Variants in SCFD2 observed in about 807,000 individuals in gnomAD.
The protein encoded by SCFD2 is sec1 family domain containing 2.
A neutral mutation model predicts 58.9 loss-of-function variants in SCFD2; 54 were observed. The ratio of observed to expected loss-of-function variants is 0.92; its 90% confidence interval spans 0.74 to 1.15. The LOEUF (loss-of-function observed/expected upper bound fraction) is 1.15. Among genes scored for constraint, SCFD2 ranks in the 50% most tolerant of loss-of-function variants. The pLI, the probability that SCFD2 is intolerant of heterozygous loss-of-function variation, is 0.00. For synonymous variants in SCFD2, 321 were observed against 335.9 expected (o/e 0.96, Z 0.49); for missense variants, 805 against 836.6 (o/e 0.96, Z 0.47).
chr4:53,071,823 G>A (rs1242415974), intron 5 of SCFD2, among the ~76,000 whole-genome samples: 1 of 151,940 alleles, frequency 6.6e-6, no homozygotes, highest in Non-Finnish European at 1.5e-5. Flanking sequence ...TTCTAAAAGG[G>A]GGATTTTATT....
At chr4:53,077,550 G>A (rs946592170) in intron 5 of SCFD2, among the ~76,000 whole-genome samples, 1 of 152,038 alleles carries the variant, frequency 6.6e-6, no homozygotes, top group African/African-American at 2.4e-5. Context: ...CAATTCTCCT[G>A]TCTCAGCCAC....
intron 5 of SCFD2, among the ~76,000 whole-genome samples, chr4:52,935,208 A>T (rs533490023): frequency 1.3e-5 from 2 of 152,240 alleles, no homozygotes; most frequent in Non-Finnish European, 2.9e-5. Flanking sequence ...GAGCTCAATA[A>T]ATAGTTGCTG....
At chr4:52,906,845 A>C (rs145174829) in intron 7 of SCFD2, among the ~76,000 whole-genome samples, 217 of 152,312 alleles carry the variant, frequency 1.4e-3, no homozygotes, top group African/African-American at 5.0e-3. Flanking sequence ...ATCTTATTGA[A>C]ATCTTTTTAG....
At chr4:53,217,428 G>T (rs1172836466) in intron 4 of SCFD2, among the ~76,000 whole-genome samples, 2 of 152,040 alleles carry the variant, frequency 1.3e-5, no homozygotes, top group African/African-American at 2.4e-5. Context: ...ATCTTTGTTG[G>T]CTTAAAGTCT....
Position 53,317,915 on chromosome 4 carries a change from T to C in SCFD2, c.1008-4152A>G, listed in dbSNP as rs549688556. Among the ~76,000 whole-genome samples the C allele has an allele frequency of 1.2e-4, 18 of 152,332 alleles. No homozygotes were observed. The East Asian group carries it at 3.5e-3, about 29-fold the overall frequency. On this transcript the variant is annotated intron_variant, in intron 2 of 8. Coordinates refer to ENST00000401642, the MANE Select transcript of SCFD2 (RefSeq NM_152540.4). Reference sequence around the variant, plus strand: ...TCCTGACACACAAGTGCTACAGCAGTAGTAGTAGCAGCAGCAGTAGTAATA... The same window carrying C: ...TCCTGACACACAAGTGCTACAGCAGCAGTAGTAGCAGCAGCAGTAGTAATA...
At chr4:53,309,705 T>A (rs1732630283) in intron 3 of SCFD2, among the ~76,000 whole-genome samples, 1 of 152,162 alleles carries the variant, frequency 6.6e-6, no homozygotes, top group African/African-American at 2.4e-5. Context: ...GTGGAAAGAA[T>A]GAATTAGTAC....
intron 5 of SCFD2, among the ~76,000 whole-genome samples, chr4:53,092,564 G>A (rs1206948106): frequency 6.6e-6 from 1 of 151,916 alleles, no homozygotes; most frequent in East Asian, 1.9e-4. Context: ...AGAGATAAAT[G>A]GTTAAACAAA....
intron 3 of SCFD2, among the ~76,000 whole-genome samples, chr4:53,284,828 A>AT (rs1260700639): frequency 3.9e-5 from 6 of 152,338 alleles, no homozygotes; most frequent in East Asian, 1.9e-4. Context: ...AGGACTATAT[A>AT]TACAGCCAAC....
At chr4:52,993,004 T>C (rs1231886796) in intron 5 of SCFD2, among the ~76,000 whole-genome samples, 1 of 151,638 alleles carries the variant, frequency 6.6e-6, no homozygotes, top group Non-Finnish European at 1.5e-5. Context: ...GCTGTGTCTG[T>C]GCAGAGGGAA....
At chr4:53,305,448 C>T (rs907609565) in intron 3 of SCFD2, among the ~76,000 whole-genome samples, 1 of 152,128 alleles carries the variant, frequency 6.6e-6, no homozygotes, top group African/African-American at 2.4e-5. Context: ...ATTTCGTGTA[C>T]AGGATCTATT....
chr4:52,922,289 A>G (rs1021603541), intron 5 of SCFD2, among the ~76,000 whole-genome samples: 1 of 152,140 alleles, frequency 6.6e-6, no homozygotes, highest in African/African-American at 2.4e-5. Flanking sequence ...CACCACCACA[A>G]TTTTATAACA....
chr4:52,967,583 T>C (rs1720990308), intron 5 of SCFD2, among the ~76,000 whole-genome samples: 2 of 152,220 alleles, frequency 1.3e-5, no homozygotes, highest in South Asian at 4.1e-4. Context: ...TCCTGTAATG[T>C]CTCTCAGTTC....
At chr4:53,288,558 G>T (rs1731741418) in intron 3 of SCFD2, among the ~76,000 whole-genome samples, 1 of 152,110 alleles carries the variant, frequency 6.6e-6, no homozygotes, top group South Asian at 2.1e-4. Context: ...AACTTTGCAG[G>T]CAAGGAGATA....
At chr4:53,045,891 T>G (rs1285223723) in intron 5 of SCFD2, among the ~76,000 whole-genome samples, 1 of 152,014 alleles carries the variant, frequency 6.6e-6, no homozygotes, top group Non-Finnish European at 1.5e-5. Context: ...ATAATCTAAC[T>G]TCTTAAAATA....
At chr4:52,961,921 C>T (rs761611228) in intron 5 of SCFD2, among the ~76,000 whole-genome samples, 11 of 151,942 alleles carry the variant, frequency 7.2e-5, no homozygotes, top group East Asian at 3.9e-4. Context: ...ACAGTGGTGA[C>T]GATAGGAATG....
intron 4 of SCFD2, among the ~76,000 whole-genome samples, chr4:53,253,294 T>C (rs996593442): frequency 2.2e-4 from 34 of 152,176 alleles, no homozygotes; most frequent in Admixed American, 5.2e-4. Flanking sequence ...GTTGGTGGGA[T>C]TGTAAACTAG....
At chr4:53,140,146 A>C (rs564417849) in intron 5 of SCFD2, among the ~76,000 whole-genome samples, 2 of 151,482 alleles carry the variant, frequency 1.3e-5, no homozygotes, top group South Asian at 4.2e-4. Flanking sequence ...TCCCTCCACT[A>C]TTGTCCTATG....
chr4:53,006,456 T>C (rs780281482), intron 5 of SCFD2, among the ~76,000 whole-genome samples: 5 of 152,192 alleles, frequency 3.3e-5, no homozygotes, highest in Non-Finnish European at 7.4e-5. Flanking sequence ...TCTTCAAGAA[T>C]ACCCAGAGAT....
At chr4:53,177,164 T>C (rs1325100310) in intron 4 of SCFD2, among the ~76,000 whole-genome samples, 1 of 152,204 alleles carries the variant, frequency 6.6e-6, no homozygotes, top group Non-Finnish European at 1.5e-5. Context: ...AAGAGATACA[T>C]TGGTGAATAA....
Sources: gnomAD v4.1 joint callset for allele counts (sites outside exome capture counted in the v4.1 genomes callset) on GRCh38, gnomAD v4.1.1 for gene constraint, MANE v1.5 for transcripts, NCBI Gene and HGNC (gene_info 2026-07-23, HGNC 2026-07-21) for gene names.